Variants in RPTOR observed in about 807,000 individuals in gnomAD.
RPTOR encodes the protein regulatory associated protein of MTOR complex 1.
RPTOR carries 21 observed loss-of-function variants against 169.9 expected under a neutral mutation model. That is an observed-to-expected ratio of 0.12 (90% CI 0.09 to 0.18). The LOEUF (loss-of-function observed/expected upper bound fraction) is 0.18. RPTOR is among the 10% of genes least tolerant of loss of function. RPTOR has a pLI of 1.00. For missense variants in RPTOR, 1,133 were observed against 1,855.9 expected (o/e 0.61, Z 7.16); for synonymous variants, 732 against 753.2 (o/e 0.97, Z 0.46).
chr17:80,836,211 G>A (rs1380802661), intron 9 of RPTOR, among the ~76,000 whole-genome samples: 1 of 152,250 alleles, frequency 6.6e-6, no homozygotes, highest in Non-Finnish European at 1.5e-5. Flanking sequence ...CTAGTGGGTA[G>A]CAGAGCTGGG....
intron 24 of RPTOR, among the ~76,000 whole-genome samples, chr17:80,933,030 G>A (rs1200419169): frequency 6.6e-6 from 1 of 152,174 alleles, no homozygotes; most frequent in Non-Finnish European, 1.5e-5. Flanking sequence ...TGTCAACCTA[G>A]AATTCTGTAC....
intron 1 of RPTOR, among the ~76,000 whole-genome samples, chr17:80,608,662 G>A (rs1438014920): frequency 6.6e-6 from 1 of 152,152 alleles, no homozygotes; most frequent in Non-Finnish European, 1.5e-5. Flanking sequence ...GTGCATTGCT[G>A]CCTTCTCAGG....
chr17:80,564,643 A>G (rs2084553745), intron 1 of RPTOR, among the ~76,000 whole-genome samples: 1 of 147,812 alleles, frequency 6.8e-6, no homozygotes, highest in African/African-American at 2.5e-5. Context: ...GGTTTGTTAT[A>G]TAGGTGAACT....
intron 1 of RPTOR, among the ~76,000 whole-genome samples, chr17:80,586,787 G>C (rs2065063997): frequency 6.6e-6 from 1 of 152,258 alleles, no homozygotes; most frequent in Non-Finnish European, 1.5e-5. Flanking sequence ...CAGCTCTTTA[G>C]GGTCTGGACC....
chr17:80,728,058 G>A (rs1294739826), intron 4 of RPTOR, among the ~76,000 whole-genome samples: 2 of 152,196 alleles, frequency 1.3e-5, no homozygotes, highest in African/African-American at 2.4e-5. Flanking sequence ...TGGATGGATC[G>A]ATAGGTAGAT....
chr17:80,937,033 T>C (rs1023314376), intron 24 of RPTOR, among the ~76,000 whole-genome samples: 2 of 152,224 alleles, frequency 1.3e-5, no homozygotes, highest in Non-Finnish European at 2.9e-5. Context: ...GAGGGGACTT[T>C]ATTGTTCAGT....
chr17:80,850,232 G>C (rs1421342986), intron 11 of RPTOR, among the ~76,000 whole-genome samples: 2 of 152,070 alleles, frequency 1.3e-5, no homozygotes, highest in African/African-American at 2.4e-5. Context: ...TGGAGTCTCC[G>C]GTGCCTGTTA....
intron 4 of RPTOR, among the ~76,000 whole-genome samples, chr17:80,729,129 G>T (rs2066367087): frequency 6.6e-6 from 1 of 152,188 alleles, no homozygotes; most frequent in African/African-American, 2.4e-5. Flanking sequence ...CTGCTTCTTT[G>T]CTGTGCACGG....
At chr17:80,729,099 G>T (rs577168917) in intron 4 of RPTOR, among the ~76,000 whole-genome samples, 1 of 152,344 alleles carries the variant, frequency 6.6e-6, no homozygotes, top group East Asian at 1.9e-4. Context: ...TGTAGCTGAT[G>T]TCTGAAATGT....
In RPTOR at chr17:80,708,468, T is replaced by C. The variant is rs1298819822; in HGVS notation, c.507+469T>C. Among the ~76,000 whole-genome samples the C allele has an allele frequency of 1.3e-5, 2 of 152,226 alleles. No homozygotes were observed. Among genetic ancestry groups the C allele is most frequent in the African/African-American group, 4.8e-5 (2 of 41,462 alleles). Reference sequence around the variant, plus strand: ...CTCCTCAAGGTCAGAATCACCAGCCTTTTGCAATTCCGTTGCCCAGGACCA... The same window carrying C: ...CTCCTCAAGGTCAGAATCACCAGCCCTTTGCAATTCCGTTGCCCAGGACCA... On this transcript the variant is annotated intron_variant, in intron 4 of 33. Transcript: ENST00000306801. The surrounding 1 kb of genome is among the most constrained non-coding windows in gnomAD (Gnocchi z 4.2).
At chr17:80,711,129 A>G (rs1408721184) in intron 4 of RPTOR, among the ~76,000 whole-genome samples, 1 of 152,216 alleles carries the variant, frequency 6.6e-6, no homozygotes, top group Non-Finnish European at 1.5e-5. Context: ...ACTGGCTCAC[A>G]ATACCCCTTT....
At chr17:80,922,686 C>T in intron 21 of RPTOR, 38 bp from the exon 22 acceptor site, 2 of 1,504,462 alleles carry the variant, frequency 1.3e-6, no homozygotes, top group South Asian at 1.2e-5. Context: ...CGGAGCACGT[C>T]CCGTCTGACC....
intron 17 of RPTOR, among the ~76,000 whole-genome samples, chr17:80,889,525 CAG>C (rs2068290037): frequency 6.6e-6 from 1 of 152,184 alleles, no homozygotes. Context: ...GGGGAGCCCT[CAG>C]GGGGAAGGGG....
intron 3 of RPTOR, among the ~76,000 whole-genome samples, chr17:80,672,891 G>T (rs1469618501): frequency 6.6e-6 from 1 of 152,078 alleles, no homozygotes; most frequent in African/African-American, 2.4e-5. Flanking sequence ...AAGAACGGAG[G>T]GTTCTAGGAG....
chr17:80,815,403 C>G (rs900362776), intron 7 of RPTOR, among the ~76,000 whole-genome samples: 1 of 152,248 alleles, frequency 6.6e-6, no homozygotes, highest in African/African-American at 2.4e-5. Flanking sequence ...AGAGAAAGGC[C>G]TCATCTGAAC....
At chr17:80,703,570 C>G (rs1567866200) in intron 3 of RPTOR, among the ~76,000 whole-genome samples, 1 of 152,094 alleles carries the variant, frequency 6.6e-6, no homozygotes, top group Non-Finnish European at 1.5e-5. Context: ...AAGGAGATAT[C>G]CTTTAGCATC....
chr17:80,690,485 T>C (rs1487552480), intron 3 of RPTOR, among the ~76,000 whole-genome samples: 1 of 152,208 alleles, frequency 6.6e-6, no homozygotes, highest in Non-Finnish European at 1.5e-5. Flanking sequence ...TGTCTGCCTG[T>C]CTCTTTCTGC....
chr17:80,887,547 C>T (rs1163513840), intron 17 of RPTOR, among the ~76,000 whole-genome samples: 7 of 152,166 alleles, frequency 4.6e-5, no homozygotes, highest in African/African-American at 9.7e-5. Flanking sequence ...GGCGTGGAGC[C>T]GGCCCCATTC....
rs766213235 is a variant in RPTOR, at chr17:80,947,897, T to C, written c.3265+546T>C. On this transcript the variant is annotated intron_variant, in intron 27 of 33. Coordinates refer to ENST00000306801, the MANE Select transcript of RPTOR (RefSeq NM_020761.3). This position sits in a 1 kb window ranked among gnomAD's most constrained non-coding sequence, Gnocchi z 4.4. ...GTGGGTCTCACTCAGGTTTTGGTTT[T>C]CTTGGGTTTTCGGGGGGTTTTTTGG... Among the ~76,000 whole-genome samples the C allele has an allele frequency of 3.9e-5, 6 of 152,236 alleles. No homozygotes were observed. The highest frequency in any genetic ancestry group is 7.3e-5 in the Non-Finnish European group (5 of 68,034).
Sources: gnomAD v4.1 joint callset for allele counts (sites outside exome capture counted in the v4.1 genomes callset) on GRCh38, gnomAD v4.1.1 for gene constraint, Gnocchi (gnomAD v3.1) non-coding constraint, MANE v1.5 for transcripts, NCBI Gene and HGNC (gene_info 2026-07-23, HGNC 2026-07-21) for gene names.